Variants in TMTC2 observed in about 807,000 individuals in gnomAD.
TMTC2 encodes the protein protein O-mannosyl-transferase TMTC2.
TMTC2 carries 43 observed loss-of-function variants against 82.4 expected under a neutral mutation model. The observed-to-expected ratio is 0.52, with a 90% CI of 0.41 to 0.67. The LOEUF (loss-of-function observed/expected upper bound fraction) is 0.67, where lower values mean the gene tolerates loss of function less well. Ranked by LOEUF, TMTC2 falls within the 30% of genes least tolerant of loss-of-function variation. The pLI, the probability that TMTC2 is intolerant of heterozygous loss-of-function variation, is 0.00. For synonymous variants in TMTC2, 408 were observed against 381.9 expected (o/e 1.07, Z -0.80); for missense variants, 919 against 1,012.4 (o/e 0.91, Z 1.25).
Position 82,896,323 on chromosome 12 carries a change from T to A in TMTC2, c.1160T>A (p.Leu387His). ...IKNDVSQRTQLPSTENIVVLS... is the reference protein window; with the variant it reads ...IKNDVSQRTQHPSTENIVVLS... ...AACGATGTATCACAGAGAACCCAGCTTCCTTCTACGGAGAACATTGTTGTT... is the reference window on the plus strand; with the variant it reads ...AACGATGTATCACAGAGAACCCAGCATCCTTCTACGGAGAACATTGTTGTT... Residue 387 changes from leucine to histidine, a missense_variant, in exon 3 of 12, where the codon CTT becomes CAT. By Grantham distance (99) the Leu-to-His change is moderately conservative. Coordinates refer to ENST00000321196, the MANE Select transcript of TMTC2 (RefSeq NM_152588.3). 6.2e-7 allele frequency: 1 copy of A among 1,614,184 alleles called. No homozygotes were observed. The highest frequency in any genetic ancestry group is 8.5e-7 in the Non-Finnish European group (1 of 1,180,036).
At chr12:83,092,037 C>T (rs1211843106) in intron 11 of TMTC2, among the ~76,000 whole-genome samples, 3 of 152,130 alleles carry the variant, frequency 2.0e-5, no homozygotes, top group East Asian at 1.9e-4. Flanking sequence ...GAGTAAGTAC[C>T]AATGTGTACA....
At chr12:82,948,864 T>C (rs202124026) in intron 4 of TMTC2, among the ~76,000 whole-genome samples, 1 of 145,036 alleles carries the variant, frequency 6.9e-6, no homozygotes, top group Non-Finnish European at 1.5e-5. Context: ...TTTTTTTTTT[T>C]CCTTTTTTCT....
chr12:83,001,886 C>T (rs555426038), intron 8 of TMTC2, among the ~76,000 whole-genome samples: 38 of 152,112 alleles, frequency 2.5e-4, no homozygotes, highest in African/African-American at 8.7e-4. Context: ...TAGATCGTAG[C>T]TAGATTAACA....
intron 1 of TMTC2, chr12:82,690,477 A>G (rs1324060447): frequency 3.4e-6 from 3 of 873,798 alleles, no homozygotes; most frequent in Admixed American, 6.2e-5. Context: ...TTTACTTTAT[A>G]AACTATATAT....
At chr12:82,818,697 G>A (rs1868896517) in intron 1 of TMTC2, among the ~76,000 whole-genome samples, 1 of 152,092 alleles carries the variant, frequency 6.6e-6, no homozygotes, top group Non-Finnish European at 1.5e-5. Context: ...ATGTTAAATA[G>A]TTTTGTAGCA....
chr12:82,937,768 A>ATATGTGTG (rs1876438807), intron 4 of TMTC2, among the ~76,000 whole-genome samples: 1 of 21,880 alleles, frequency 4.6e-5, no homozygotes, highest in African/African-American at 1.4e-4. Context: ...ATATATATAT[A>ATATGTGTG]TATATATATA....
chr12:83,069,082 C>T (rs763839607), intron 11 of TMTC2, among the ~76,000 whole-genome samples: 9 of 152,106 alleles, frequency 5.9e-5, no homozygotes, highest in Non-Finnish European at 8.8e-5. Context: ...TATACATATA[C>T]CACAGTTTAT....
chr12:83,105,187 C>T (rs1018152065), intron 11 of TMTC2, among the ~76,000 whole-genome samples: 2 of 152,124 alleles, frequency 1.3e-5, no homozygotes, highest in Non-Finnish European at 2.9e-5. Context: ...ACCATTTAAC[C>T]AGTTTCTAAG....
chr12:82,734,150 T>C (rs1373499942), intron 1 of TMTC2, among the ~76,000 whole-genome samples: 1 of 152,200 alleles, frequency 6.6e-6, no homozygotes, highest in Non-Finnish European at 1.5e-5. Flanking sequence ...ATAATTGCAA[T>C]GTTTGTGATA....
At chr12:82,696,429 T>A (rs1345890893) in intron 1 of TMTC2, among the ~76,000 whole-genome samples, 2 of 152,202 alleles carry the variant, frequency 1.3e-5, no homozygotes, top group East Asian at 3.8e-4. Context: ...TATACTGATT[T>A]AACTAAAGAA....
intron 1 of TMTC2, among the ~76,000 whole-genome samples, chr12:82,809,540 T>G (rs1406256265): frequency 2.0e-5 from 3 of 152,160 alleles, no homozygotes; most frequent in Non-Finnish European, 2.9e-5. Context: ...TAAAAAGTGT[T>G]TAAACATACA....
In TMTC2 at chr12:82,857,316, G is replaced by A. The variant is rs375409073; in HGVS notation, c.390G>A (p.Thr130=). 3.7e-6 allele frequency: 6 copies of A among 1,614,158 alleles called. No individual in the cohort carries two copies. In the Admixed American group the frequency reaches 6.7e-5, roughly 18 times the overall value. The change falls in exon 2 of 12, where the codon ACG becomes ACA. Residue 130 remains threonine (T), a synonymous_variant. Coordinates refer to ENST00000321196, the MANE Select transcript of TMTC2 (RefSeq NM_152588.3). ...TGTTTGCTTCTCACCCCATTCACACGGAGGCAGTGGCAGGAATCGTGGGAC... is the reference window on the plus strand; with the variant it reads ...TGTTTGCTTCTCACCCCATTCACACAGAGGCAGTGGCAGGAATCGTGGGAC... ...GLMFASHPIH[T]EAVAGIVGRA...
chr12:83,126,651 C>T (rs1305658824), intron 11 of TMTC2, among the ~76,000 whole-genome samples: 2 of 151,980 alleles, frequency 1.3e-5, no homozygotes, highest in Non-Finnish European at 2.9e-5. Context: ...CAAGACTTAA[C>T]AATTGGATGT....
intron 2 of TMTC2, among the ~76,000 whole-genome samples, chr12:82,868,889 G>A (rs769567715): frequency 7.2e-5 from 11 of 152,038 alleles, no homozygotes; most frequent in Non-Finnish European, 1.0e-4. Context: ...ACCTCCTGGA[G>A]CGACAACAGG....
rs754148418 is a variant in TMTC2, at chr12:83,050,893, A to G, written c.2153-11A>G. 6.3e-7 allele frequency: 1 copy of G among 1,598,240 alleles called. No homozygotes were observed. Among genetic ancestry groups the G allele is most frequent in the Non-Finnish European group, 8.5e-7 (1 of 1,170,700 alleles). On this transcript the variant is annotated splice_polypyrimidine_tract_variant and intron_variant, in intron 9 of 11. Coordinates refer to ENST00000321196, the MANE Select transcript of TMTC2 (RefSeq NM_152588.3). Reference sequence around the variant, plus strand: ...TCTGAGTTGAAGCTCACTGGTTTTTATACTTTTCAGGTCAGTTTCTTCTGG... The same window carrying G: ...TCTGAGTTGAAGCTCACTGGTTTTTGTACTTTTCAGGTCAGTTTCTTCTGG...
intron 1 of TMTC2, among the ~76,000 whole-genome samples, chr12:82,763,606 A>G (rs1017953444): frequency 2.0e-5 from 3 of 152,268 alleles, no homozygotes; most frequent in African/African-American, 7.2e-5. Flanking sequence ...TTTTCAAGTT[A>G]TAAGAAAACA....
intron 7 of TMTC2, among the ~76,000 whole-genome samples, chr12:82,982,079 G>C (rs1172652623): frequency 6.6e-6 from 1 of 151,416 alleles, no homozygotes; most frequent in African/African-American, 2.4e-5. Flanking sequence ...TTTGTAAAAT[G>C]AGACTGATAA....
intron 11 of TMTC2, among the ~76,000 whole-genome samples, chr12:83,100,086 A>C (rs934176825): frequency 3.3e-5 from 5 of 151,798 alleles, no homozygotes; most frequent in South Asian, 2.1e-4. Flanking sequence ...TGCTTGGCTA[A>C]TTTTTGTATT....
rs375909900 is a variant in TMTC2 at position 82,867,209 on chromosome 12, A to G, written c.654+9629A>G. On this transcript the variant is annotated intron_variant, in intron 2 of 11. Coordinates refer to ENST00000321196, the MANE Select transcript of TMTC2 (RefSeq NM_152588.3). Reference sequence around the variant, plus strand: ...TCAAGAGAAATAGCATGAATTCCGAATTTAATACATGTTTCTTCAGTAATT... The same window carrying G: ...TCAAGAGAAATAGCATGAATTCCGAGTTTAATACATGTTTCTTCAGTAATT... Among the ~76,000 whole-genome samples the G allele has an allele frequency of 6.6e-5, 10 of 152,332 alleles. 1 individual carries two copies. In the South Asian group the frequency reaches 2.1e-3, roughly 32 times the overall value.
Sources: gnomAD v4.1 joint callset for allele counts (sites outside exome capture counted in the v4.1 genomes callset) on GRCh38, gnomAD v4.1.1 for gene constraint, MANE v1.5 for transcripts, NCBI Gene and HGNC (gene_info 2026-07-23, HGNC 2026-07-21) for gene names.